The following TCF12 variants were observed in gnomAD, a reference collection of about 807,000 sequenced individuals.
TCF12 encodes the protein DNA-binding protein HTF4.
Under a neutral mutation model 86.0 loss-of-function variants are expected in TCF12, and 45 were observed. That is an observed-to-expected ratio of 0.52 (90% CI 0.41 to 0.67). The LOEUF is 0.67. Ranked by LOEUF, TCF12 falls within the 30% of genes least tolerant of loss-of-function variation. The pLI, the probability that TCF12 is intolerant of heterozygous loss-of-function variation, is 0.00. For synonymous variants in TCF12, 330 were observed against 299.6 expected (o/e 1.10, Z -1.05); for missense variants, 881 against 859.9 (o/e 1.02, Z -0.31).
chr15:56,927,746 T>C (rs1466991763), intron 3 of TCF12, among the ~76,000 whole-genome samples: 2 of 152,222 alleles, frequency 1.3e-5, no homozygotes, highest in Admixed American at 1.3e-4. Context: ...TAATTAAAAC[T>C]AATGAATTCC....
At chr15:57,139,318 A>G (rs377268059) in intron 5 of TCF12, among the ~76,000 whole-genome samples, 39 of 152,282 alleles carry the variant, frequency 2.6e-4, no homozygotes, top group African/African-American at 8.7e-4. Context: ...TATTAATTAC[A>G]TACACTAAAT....
Position 57,063,019 on chromosome 15 carries a change from C to A in TCF12, c.149-731C>A, listed in dbSNP as rs1046755018. On this transcript the variant is annotated intron_variant, in intron 3 of 20. Transcript: ENST00000333725. ...TGATTCGGAGGTGAAAATAATGGAGCCCAAGTGTCAGAAGATGCATTAAGG... is the reference window on the plus strand; with the variant it reads ...TGATTCGGAGGTGAAAATAATGGAGACCAAGTGTCAGAAGATGCATTAAGG... Among the ~76,000 whole-genome samples, 27 of 152,086 alleles carry A rather than the reference C, an allele frequency of 1.8e-4. 1 individual carries two copies. The highest frequency in any genetic ancestry group is 2.9e-5 in the Non-Finnish European group (2 of 68,018).
intron 6 of TCF12, among the ~76,000 whole-genome samples, chr15:57,170,675 A>ATATATAATAT (rs1486411354): frequency 1.1e-4 from 1 of 9,472 alleles, no homozygotes; most frequent in Non-Finnish European, 1.8e-4. Flanking sequence ...ATATATATAT[A>ATATATAATAT]ATATATTATA....
intron 5 of TCF12, among the ~76,000 whole-genome samples, chr15:57,110,179 T>A (rs542295603): frequency 1.0e-3 from 157 of 152,310 alleles, no homozygotes; most frequent in Non-Finnish European, 2.1e-3. Flanking sequence ...TGAAAGATAA[T>A]GGTTCTAAGG....
chr15:56,932,660 C>A (rs2060299567), intron 3 of TCF12, among the ~76,000 whole-genome samples: 1 of 151,982 alleles, frequency 6.6e-6, no homozygotes, highest in Admixed American at 6.6e-5. Flanking sequence ...CCTTTGCCTT[C>A]CGGGTTCAAG....
chr15:57,117,012 TTTG>T (rs2050884380), intron 5 of TCF12, among the ~76,000 whole-genome samples: 1 of 152,126 alleles, frequency 6.6e-6, no homozygotes, highest in African/African-American at 2.4e-5. Context: ...GTCATGTAGG[TTTG>T]TTCTTTTAAT....
chr15:57,234,094 A>G lies in TCF12; in HGVS notation c.1022A>G (p.Lys341Arg). Residue 341 changes from lysine (K) to arginine (R), a missense_variant, in exon 12 of 21, where the codon AAG becomes AGG. Transcript: ENST00000333725. ...GSSQTGDALG[K>R]ALASIYSPDH... is the part of the protein sequence containing the mutation. The stretch of plus-strand genomic sequence containing the variant: ...TCACAGACAGGTGATGCACTTGGAA[A>G]GGCTTTGGCATCTGTGAGTATTGAT... 1 of 1,613,438 alleles carries G rather than the reference A, an allele frequency of 6.2e-7. No homozygotes were observed. The highest frequency in any genetic ancestry group is 8.5e-7 in the Non-Finnish European group (1 of 1,179,476).
chr15:57,139,402 T>C (rs568751949), intron 5 of TCF12, among the ~76,000 whole-genome samples: 12 of 152,334 alleles, frequency 7.9e-5, no homozygotes, highest in African/African-American at 2.9e-4. Context: ...AGATTTCAGC[T>C]GCATGTTGGT....
intron 3 of TCF12, among the ~76,000 whole-genome samples, chr15:57,058,849 G>C (rs1407643053): frequency 6.6e-6 from 1 of 152,082 alleles, no homozygotes; most frequent in African/African-American, 2.4e-5. Flanking sequence ...TATTTCATGA[G>C]TGTCTAAAAT....
chr15:56,921,992 G>C (rs2059814440), intron 3 of TCF12, among the ~76,000 whole-genome samples: 1 of 151,876 alleles, frequency 6.6e-6, no homozygotes, highest in African/African-American at 2.4e-5. Context: ...GTGAAATGAA[G>C]GCATTTTTTG....
intron 3 of TCF12, among the ~76,000 whole-genome samples, chr15:56,934,635 C>G (rs1248135487): frequency 2.0e-5 from 3 of 152,126 alleles, no homozygotes; most frequent in African/African-American, 7.2e-5. Flanking sequence ...AGCTGTCTTA[C>G]CTTATATTGG....
chr15:57,010,257 T>C (rs1357285787), intron 3 of TCF12, among the ~76,000 whole-genome samples: 2 of 151,852 alleles, frequency 1.3e-5, no homozygotes, highest in Non-Finnish European at 2.9e-5. Flanking sequence ...AAACATTCAT[T>C]ATATTTGCTG....
At chr15:57,029,661 G>A (rs1356572989) in intron 3 of TCF12, among the ~76,000 whole-genome samples, 1 of 152,126 alleles carries the variant, frequency 6.6e-6, no homozygotes, top group Non-Finnish European at 1.5e-5. Context: ...GTAGCTCTGT[G>A]TAACGCATAC....
chr15:56,947,963 A>C (rs916265871), intron 3 of TCF12, among the ~76,000 whole-genome samples: 6 of 152,166 alleles, frequency 3.9e-5, no homozygotes, highest in Non-Finnish European at 8.8e-5. Flanking sequence ...ACAGGAACTT[A>C]TCTTAATTTA....
At chr15:57,132,536 TG>T (rs1227998571) in intron 5 of TCF12, among the ~76,000 whole-genome samples, 1 of 152,212 alleles carries the variant, frequency 6.6e-6, no homozygotes, top group Non-Finnish European at 1.5e-5. Context: ...CTGGCTCTGA[TG>T]ATTGATGTTC....
intron 12 of TCF12, among the ~76,000 whole-genome samples, chr15:57,240,972 T>C (rs1447586089): frequency 6.6e-6 from 1 of 151,880 alleles, no homozygotes; most frequent in African/African-American, 2.4e-5. Context: ...AATTTACTTA[T>C]GTGGTTGAAA....
intron 12 of TCF12, among the ~76,000 whole-genome samples, chr15:57,240,496 G>C (rs1205571801): frequency 6.6e-6 from 1 of 152,128 alleles, no homozygotes; most frequent in Admixed American, 6.5e-5. Flanking sequence ...TTGTAGTCAA[G>C]ACATATTTCA....
intron 3 of TCF12, among the ~76,000 whole-genome samples, chr15:56,991,149 G>A (rs757468980): frequency 5.3e-5 from 8 of 152,016 alleles, no homozygotes; most frequent in Admixed American, 1.3e-4. Context: ...TCCCAAGCTC[G>A]CCTTACGTAA....
At chr15:57,129,288 C>G (rs1384752199) in intron 5 of TCF12, among the ~76,000 whole-genome samples, 1 of 152,234 alleles carries the variant, frequency 6.6e-6, no homozygotes, top group Non-Finnish European at 1.5e-5. Context: ...AGGTTGGGTG[C>G]TATGGCTTAT....
Sources: gnomAD v4.1 joint callset for allele counts (sites outside exome capture counted in the v4.1 genomes callset) on GRCh38, gnomAD v4.1.1 for gene constraint, MANE v1.5 for transcripts, NCBI Gene and HGNC (gene_info 2026-07-23, HGNC 2026-07-21) for gene names.